TEX9: variants seen among roughly 807,000 people sequenced by gnomAD.
TEX9 encodes the protein testis expressed 9.
In TEX9, 74 loss-of-function variants were observed where a neutral mutation model predicts 59.6. The ratio of observed to expected loss-of-function variants is 1.24; its 90% CI spans 1.03 to 1.51. The LOEUF is 1.51. TEX9 is among the 40% of genes most tolerant of loss of function. TEX9 has a pLI of 0.00. For missense variants in TEX9, 522 were observed against 447.8 expected, an observed-to-expected ratio of 1.17 and a Z score of -1.49; for synonymous variants, 186 against 152.2, an observed-to-expected ratio of 1.22 and a Z score of -1.64.
chr15:56,311,799 GC>G (rs1236282517), intron 1 of TEX9, among the ~76,000 whole-genome samples: 2 of 147,948 alleles, frequency 1.4e-5, no homozygotes, highest in African/African-American at 5.0e-5. Flanking sequence ...ATCCTCTCCA[GC>G]ACCTGTTGTT....
At chr15:56,300,708 GGAGAGAGAGAGAGA>G (rs60361737) in intron 1 of TEX9, among the ~76,000 whole-genome samples, 6 of 102,670 alleles carry the variant, frequency 5.8e-5, no homozygotes, top group South Asian at 7.1e-4. Context: ...AGAGAGAGAG[GGAGAGAGAGAGAGA>G]GAGAGAGAGA....
rs2050599239 is a variant in TEX9 at position 56,431,631 on chromosome 15, GATAATAT to G, written c.*29+3162_*29+3168del. ...ATGACACTAAGTTCAAAAGATTCTA[GATAATAT>G]ATATTTTTAAAATATATATTTTATG... On this transcript the variant is annotated intron_variant, in intron 12 of 12. Coordinates refer to ENST00000352903, the Ensembl canonical transcript of TEX9. The G allele has an allele frequency of 1.9e-5, 12 of 631,012 alleles. No homozygotes were observed. In the East Asian group the frequency reaches 4.3e-4, roughly 23 times the overall value. 39.1% of individuals were successfully genotyped at this position (631,012 alleles called of 1,614,324 possible).
chr15:56,281,895 G>A (rs1268285156), intron 1 of TEX9, among the ~76,000 whole-genome samples: 2 of 152,136 alleles, frequency 1.3e-5, no homozygotes, highest in Non-Finnish European at 2.9e-5. Flanking sequence ...TATATTGGTT[G>A]ATGCTAATCA....
the TEX9 span, among the ~76,000 whole-genome samples, chr15:56,451,502 G>A: frequency 1.3e-5 from 2 of 152,104 alleles, no homozygotes; most frequent in African/African-American, 4.8e-5. Context: ...GTTTGTAGTC[G>A]GGGGATGGGC....
At chr15:56,380,643 C>G (rs1175799692) in intron 3 of TEX9, among the ~76,000 whole-genome samples, 1 of 152,048 alleles carries the variant, frequency 6.6e-6, no homozygotes, top group East Asian at 1.9e-4. Context: ...CTGGGAAGGT[C>G]TGTTATTATC....
chr15:56,285,766 C>G (rs973490955), intron 1 of TEX9, among the ~76,000 whole-genome samples: 10 of 152,078 alleles, frequency 6.6e-5, no homozygotes, highest in Admixed American at 1.3e-4. Flanking sequence ...TCCCCAAATT[C>G]TTTATAATGA....
At chr15:56,408,665 G>C (rs2049195185) in intron 9 of TEX9, 1 of 151,934 alleles carries the variant, frequency 6.6e-6, no homozygotes, top group South Asian at 2.1e-4. Flanking sequence ...CCCTGTCTTA[G>C]TAAAAGGCAT....
intron 10 of TEX9, among the ~76,000 whole-genome samples, chr15:56,419,254 T>C (rs1183124859): frequency 1.3e-5 from 2 of 151,906 alleles, no homozygotes; most frequent in Non-Finnish European, 2.9e-5. Flanking sequence ...TCCTCAACTT[T>C]GCTGAACTCA....
chr15:56,256,268 A>G (rs2044143005), intron 1 of TEX9, among the ~76,000 whole-genome samples: 1 of 152,092 alleles, frequency 6.6e-6, no homozygotes, highest in Admixed American at 6.6e-5. Flanking sequence ...AAGCTGTACT[A>G]AATAACCCGG....
In TEX9 at chr15:56,430,918, G is replaced by T. The variant is rs572332683; in HGVS notation, c.*29+2445G>T. On this transcript the variant is annotated intron_variant, in intron 12 of 12. Transcript: ENST00000352903. ...AGGTGTGGTGGCCCACCCAGCACTT[G>T]GGGAGGCTGAGGCAGATGGATCACC... is the stretch of plus-strand genomic sequence containing the variant. 2.0e-5 allele frequency among the ~76,000 whole-genome samples: 3 copies of T among 152,192 alleles called. No individual in the cohort carries two copies. In the East Asian group the frequency reaches 5.8e-4, roughly 30 times the overall value.
chr15:56,451,063 T>A, the TEX9 span, among the ~76,000 whole-genome samples: 1 of 152,254 alleles, frequency 6.6e-6, no homozygotes, highest in Non-Finnish European at 1.5e-5. Context: ...TTTGTTCATT[T>A]TTGAACTGGG....
chr15:56,289,901 G>A (rs2045047838), intron 1 of TEX9, among the ~76,000 whole-genome samples: 1 of 152,224 alleles, frequency 6.6e-6, no homozygotes, highest in African/African-American at 2.4e-5. Context: ...AAGAATGGGA[G>A]CACAGACATG....
intron 4 of TEX9, among the ~76,000 whole-genome samples, chr15:56,387,644 C>A (rs2048021044): frequency 6.6e-6 from 1 of 151,836 alleles, no homozygotes; most frequent in Non-Finnish European, 1.5e-5. Flanking sequence ...ATAATGGATG[C>A]TAACATGGTA....
intron 10 of TEX9, among the ~76,000 whole-genome samples, chr15:56,417,566 A>AT (rs1328598981): frequency 6.2e-5 from 7 of 113,504 alleles, no homozygotes; most frequent in East Asian, 3.0e-4. Context: ...GTTTGGTATG[A>AT]TTTCGTTCTT....
chr15:56,365,227 CACTA>C (rs66556245), upstream of TEX9, among the ~76,000 whole-genome samples: 412 of 152,290 alleles, frequency 2.7e-3, 2 homozygotes, highest in African/African-American at 8.9e-3. Context: ...TGAGAATTTG[CACTA>C]ACTAAGTCGA....
intron 4 of TEX9, among the ~76,000 whole-genome samples, chr15:56,387,405 T>G (rs1300759537): frequency 6.6e-6 from 1 of 152,008 alleles, no homozygotes; most frequent in East Asian, 1.9e-4. Flanking sequence ...TTTGTGAGAA[T>G]GATTTAGTTT....
intron 9 of TEX9, among the ~76,000 whole-genome samples, chr15:56,409,382 C>T (rs555759816): frequency 5.1e-4 from 77 of 152,234 alleles, no homozygotes; most frequent in Non-Finnish European, 7.8e-4. Flanking sequence ...CTATGTCACT[C>T]GGCTGAAACC....
Position 56,389,316 on chromosome 15 carries a change from A to C in TEX9, c.313-2A>C. 6.2e-7 allele frequency: 1 copy of C among 1,608,138 alleles called. No individual in the cohort carries two copies. ...TCAATACTTTCAATTCTTTTCATGTAGCCAAAGACCAAAAACATTGATCCT... is the reference window on the plus strand; with the variant it reads ...TCAATACTTTCAATTCTTTTCATGTCGCCAAAGACCAAAAACATTGATCCT... On this transcript the variant is annotated splice_acceptor_variant, in intron 5 of 12. Coordinates refer to ENST00000352903, the Ensembl canonical transcript of TEX9. LOFTEE classifies it high-confidence loss of function.
rs2047276808 is a variant in TEX9, at chr15:56,373,351, A to T, written c.120-90A>T. 1.3e-5 allele frequency: 16 copies of T among 1,250,662 alleles called. No individual in the cohort carries two copies. In the South Asian group the frequency reaches 2.1e-4, roughly 17 times the overall value. The allele number at this position is 1,250,662 out of a possible 1,614,324, so 77.5% of individuals were successfully genotyped here. A position where few individuals can be genotyped will look rare whatever the true frequency, so the allele number is the denominator to read the frequency against. ...CATATGTATATTTTGGCATTTGTTG[A>T]TTACGTCACTTGATAACGTGTAATT... On this transcript the variant is annotated intron_variant, in intron 2 of 12. Coordinates refer to ENST00000352903, the Ensembl canonical transcript of TEX9.
Sources: gnomAD v4.1 joint callset for allele counts (sites outside exome capture counted in the v4.1 genomes callset) on GRCh38, gnomAD v4.1.1 for gene constraint, MANE v1.5 for transcripts, NCBI Gene and HGNC (gene_info 2026-07-23, HGNC 2026-07-21) for gene names.